The following GRM5 variants were observed in gnomAD, a reference collection of about 807,000 sequenced individuals.
The protein encoded by GRM5 is metabotropic glutamate receptor 5.
Under a neutral mutation model 83.1 loss-of-function variants are expected in GRM5, and 19 were observed. The observed-to-expected ratio is 0.23, with a 90% confidence interval of 0.16 to 0.34. The LOEUF (loss-of-function observed/expected upper bound fraction) is 0.34. Ranked by LOEUF, GRM5 falls within the 10% of genes least tolerant of loss-of-function variation. The probability of loss-of-function intolerance (pLI) is 1.00; values close to 1 mark genes in which losing one functional copy is unlikely to be tolerated. For synonymous variants in GRM5, 675 were observed against 633.6 expected, an observed-to-expected ratio of 1.07 and a Z score of -0.98; for missense variants, 1,160 against 1,588.3, an observed-to-expected ratio of 0.73 and a Z score of 4.58.
intron 9 of GRM5, among the ~76,000 whole-genome samples, chr11:88,524,621 G>C (rs1184355220): frequency 6.6e-6 from 1 of 152,196 alleles, no homozygotes; most frequent in Non-Finnish European, 1.5e-5. Context: ...CGGTTTACTA[G>C]GTACAACTCA....
At chr11:88,573,739 T>C (rs982517265) in intron 7 of GRM5, among the ~76,000 whole-genome samples, 1 of 152,206 alleles carries the variant, frequency 6.6e-6, no homozygotes, top group East Asian at 1.9e-4. Flanking sequence ...CACAAGGTGT[T>C]GACTGGTGAC....
At chr11:89,007,458 A>C (rs1940561659) in intron 2 of GRM5, among the ~76,000 whole-genome samples, 1 of 152,244 alleles carries the variant, frequency 6.6e-6, no homozygotes, top group Non-Finnish European at 1.5e-5. Flanking sequence ...TCAATCAACA[A>C]GAGTGATTTT....
intron 5 of GRM5, 56 bp downstream of exon 5, chr11:88,604,662 C>T: frequency 6.3e-6 from 9 of 1,417,504 alleles, no homozygotes; most frequent in Non-Finnish European, 8.9e-6. Flanking sequence ...ATTTCAGGAT[C>T]AAGAGTTGGC....
chr11:89,014,014 G>A (rs12276580), intron 2 of GRM5, among the ~76,000 whole-genome samples: 9,793 of 152,174 alleles, frequency 0.064, 1,035 homozygotes, highest in African/African-American at 0.22. Flanking sequence ...TAGTTCAGAA[G>A]AGACAGTGTG....
intron 3 of GRM5, among the ~76,000 whole-genome samples, chr11:88,718,748 A>ATAAT (rs1941458547): frequency 6.6e-6 from 1 of 151,882 alleles, no homozygotes. Flanking sequence ...AAATTTTTCT[A>ATAAT]TAATTTTCTA....
intron 2 of GRM5, among the ~76,000 whole-genome samples, chr11:88,850,683 G>C (rs961252147): frequency 4.0e-5 from 6 of 150,804 alleles, no homozygotes; most frequent in Non-Finnish European, 7.4e-5. Context: ...AGAATTTATG[G>C]TTTGGTCTTA....
chr11:88,912,323 G>A (rs1945514013), intron 2 of GRM5, among the ~76,000 whole-genome samples: 1 of 151,686 alleles, frequency 6.6e-6, no homozygotes, highest in Non-Finnish European at 1.5e-5. Context: ...TAAAGGGGCT[G>A]ACTTATCCTA....
chr11:88,560,156 C>T (rs1225653885), intron 8 of GRM5, among the ~76,000 whole-genome samples: 1 of 152,100 alleles, frequency 6.6e-6, no homozygotes, highest in African/African-American at 2.4e-5. Flanking sequence ...TTAGCAAGGG[C>T]CTTTCCTATT....
At chr11:88,985,637 GTTT>G (rs547829136) in intron 2 of GRM5, among the ~76,000 whole-genome samples, 542 of 152,234 alleles carry the variant, frequency 3.6e-3, no homozygotes, top group African/African-American at 0.012. Flanking sequence ...AAATTCAGCA[GTTT>G]TCAAACATGG....
At chr11:89,027,093 TTTTTC>T (rs573263640) in intron 2 of GRM5, among the ~76,000 whole-genome samples, 13 of 151,910 alleles carry the variant, frequency 8.6e-5, no homozygotes, top group Non-Finnish European at 1.9e-4. Flanking sequence ...TTTTCTTTCT[TTTTTC>T]TTTTCTTTTT....
chr11:89,015,181 G>A (rs1033907366), intron 2 of GRM5, among the ~76,000 whole-genome samples: 1 of 152,158 alleles, frequency 6.6e-6, no homozygotes, highest in Non-Finnish European at 1.5e-5. Flanking sequence ...TTGGTGAAAT[G>A]AGCATCCACT....
At position 88,590,796 on chromosome 11, in the gene GRM5, T is replaced by A; in HGVS notation, c.1564-69A>T. The A allele has an allele frequency of 3.2e-6, 4 of 1,248,738 alleles. 1 individual carries two copies. In the South Asian group the frequency reaches 5.2e-5, roughly 16 times the overall value. 77.4% of individuals were successfully genotyped at this position (1,248,738 alleles called of 1,614,324 possible). ...AAAATCCAACAATTCTATATTCCAA[T>A]GTGCTGTTTTGCAAAGCAGAAAGGC... On this transcript the variant is annotated intron_variant, in intron 6 of 9. Transcript: ENST00000305447.
intron 2 of GRM5, among the ~76,000 whole-genome samples, chr11:88,921,499 G>A (rs536690710): frequency 5.9e-5 from 9 of 152,106 alleles, no homozygotes; most frequent in African/African-American, 1.4e-4. Context: ...GCATGGTGGC[G>A]GGCACCTGTA....
rs566586983 is a variant in GRM5, at chr11:88,943,783, C to T, written c.662-93628G>A. 8.5e-5 allele frequency among the ~76,000 whole-genome samples: 13 copies of T among 152,048 alleles called. 1 individual carries two copies. The South Asian group carries it at 1.7e-3, about 19-fold the overall frequency. ...ATCATTCATATATCCAGATTTCTCT[C>T]TTTTTGTTCTAATAAACTACAGTAT... On this transcript the variant is annotated intron_variant, in intron 2 of 9. Transcript: ENST00000305447.
At chr11:88,521,896 C>T (rs1941702045) in intron 9 of GRM5, among the ~76,000 whole-genome samples, 1 of 152,198 alleles carries the variant, frequency 6.6e-6, no homozygotes, top group African/African-American at 2.4e-5. Flanking sequence ...TAGTGCTCTG[C>T]TCTGCTTCAA....
intron 8 of GRM5, among the ~76,000 whole-genome samples, chr11:88,561,924 G>A (rs1158188529): frequency 1.3e-5 from 2 of 152,030 alleles, no homozygotes; most frequent in East Asian, 1.9e-4. Context: ...CTCCTTAGGT[G>A]CTCAGAGAGC....
At chr11:88,657,104 T>C (rs1033114918) in intron 3 of GRM5, among the ~76,000 whole-genome samples, 2 of 152,298 alleles carry the variant, frequency 1.3e-5, no homozygotes, top group African/African-American at 4.8e-5. Flanking sequence ...GTCAACAATT[T>C]ATATTAACTA....
In GRM5 at chr11:88,645,571, G is replaced by A. The variant is rs185835380; in HGVS notation, c.1147+7597C>T. ...ACCAATTTGAAGAGTTTTGACTGAG[G>A]CAGAGTTTGGCTTCCTTTTGTAGAC... On this transcript the variant is annotated intron_variant, in intron 4 of 9. Transcript: ENST00000305447. Among the ~76,000 whole-genome samples, 202 of 152,200 alleles carry A rather than the reference G, an allele frequency of 1.3e-3. 2 individuals are homozygous for A. The highest frequency in any genetic ancestry group is 2.2e-3 in the Admixed American group (34 of 15,264).
At chr11:88,543,003 G>A (rs1207245750) in intron 8 of GRM5, among the ~76,000 whole-genome samples, 1 of 152,178 alleles carries the variant, frequency 6.6e-6, no homozygotes. Flanking sequence ...GGGAAGTGGA[G>A]GTTGCAGTAA....
Sources: gnomAD v4.1 joint callset for allele counts (sites outside exome capture counted in the v4.1 genomes callset) on GRCh38, gnomAD v4.1.1 for gene constraint, MANE v1.5 for transcripts, NCBI Gene and HGNC (gene_info 2026-07-23, HGNC 2026-07-21) for gene names.